The following KCNQ5 variants were observed in gnomAD, a reference collection of about 807,000 sequenced individuals.
KCNQ5 encodes the protein potassium voltage-gated channel subfamily Q member 5, also known as potassium voltage-gated channel subfamily KQT member 5.
Under a neutral mutation model 98.2 loss-of-function variants are expected in KCNQ5, and 30 were observed. That is an observed-to-expected ratio of 0.31 (90% CI 0.23 to 0.41). The LOEUF (loss-of-function observed/expected upper bound fraction) is 0.41, where lower values mean the gene tolerates loss of function less well. Among genes scored for constraint, KCNQ5 ranks in the 10% least tolerant of loss-of-function variants. The pLI is 1.00. For synonymous variants in KCNQ5, 458 were observed against 449.4 expected (o/e 1.02, Z -0.24); for missense variants, 835 against 1,182.5 (o/e 0.71, Z 4.31).
rs183565501 is a variant in KCNQ5, at chr6:72,858,689, A to G, written c.399-145219A>G. On this transcript the variant is annotated intron_variant, in intron 1 of 13. Transcript: ENST00000370398. ...CCGTTTATTTGTCTTTCTAAGAATAACTTTCTTATATATAGCATTCTCTGT... is the reference window on the plus strand; with the variant it reads ...CCGTTTATTTGTCTTTCTAAGAATAGCTTTCTTATATATAGCATTCTCTGT... Among the ~76,000 whole-genome samples, 11 of 152,046 alleles carry G rather than the reference A, an allele frequency of 7.2e-5. No individual in the cohort carries two copies. In the East Asian group the frequency reaches 1.5e-3, roughly 21 times the overall value.
intron 11 of KCNQ5, among the ~76,000 whole-genome samples, chr6:73,179,231 G>A (rs1309311337): frequency 1.3e-5 from 2 of 152,088 alleles, no homozygotes; most frequent in Non-Finnish European, 2.9e-5. Context: ...ATGGAGGCTG[G>A]GAGGTCCAAG....
intron 1 of KCNQ5, among the ~76,000 whole-genome samples, chr6:72,654,054 C>A (rs913024296): frequency 1.3e-5 from 2 of 152,002 alleles, no homozygotes; most frequent in East Asian, 3.8e-4. Context: ...TGAGTACATG[C>A]TATGACTATA....
At chr6:73,165,596 G>T (rs950366442) in intron 10 of KCNQ5, among the ~76,000 whole-genome samples, 1 of 152,124 alleles carries the variant, frequency 6.6e-6, no homozygotes, top group African/African-American at 2.4e-5. Context: ...AAGTGCACCA[G>T]CCCTGTGAAG....
At chr6:72,802,713 C>G (rs141155874) in intron 1 of KCNQ5, among the ~76,000 whole-genome samples, 1 of 152,058 alleles carries the variant, frequency 6.6e-6, no homozygotes, top group Non-Finnish European at 1.5e-5. Context: ...GAGGAATCCT[C>G]TTAAGGTCCA....
At chr6:72,897,161 C>A (rs1039102548) in intron 1 of KCNQ5, among the ~76,000 whole-genome samples, 1 of 151,918 alleles carries the variant, frequency 6.6e-6, no homozygotes, top group Non-Finnish European at 1.5e-5. Flanking sequence ...GCAGATTGGA[C>A]CACTTTGGGG....
At chr6:72,685,992 G>A (rs1767933118) in intron 1 of KCNQ5, among the ~76,000 whole-genome samples, 1 of 152,178 alleles carries the variant, frequency 6.6e-6, no homozygotes, top group South Asian at 2.1e-4. Context: ...GTGATCATGT[G>A]ACCTCTTCTT....
intron 1 of KCNQ5, among the ~76,000 whole-genome samples, chr6:72,988,627 TG>T (rs1768934795): frequency 6.8e-6 from 1 of 146,928 alleles, no homozygotes; most frequent in South Asian, 2.2e-4. Flanking sequence ...AAATAAAACT[TG>T]GGGAAAAAAA....
intron 1 of KCNQ5, among the ~76,000 whole-genome samples, chr6:72,969,037 C>T (rs879668860): frequency 2.0e-5 from 3 of 152,166 alleles, no homozygotes; most frequent in Non-Finnish European, 4.4e-5. Context: ...TACAGTTTGG[C>T]TTCTGTAAGA....
chr6:72,799,991 A>G (rs1434607189), intron 1 of KCNQ5, among the ~76,000 whole-genome samples: 6 of 152,180 alleles, frequency 3.9e-5, no homozygotes, highest in East Asian at 3.8e-4. Flanking sequence ...TTTTAAGGCC[A>G]TTTAGAATAA....
chr6:72,681,144 C>T (rs1767685387), intron 1 of KCNQ5, among the ~76,000 whole-genome samples: 1 of 152,162 alleles, frequency 6.6e-6, no homozygotes, highest in South Asian at 2.1e-4. Flanking sequence ...TCTTATAGAG[C>T]ACGCAGATCC....
chr6:72,936,333 C>T (rs1376034749), intron 1 of KCNQ5, among the ~76,000 whole-genome samples: 1 of 152,192 alleles, frequency 6.6e-6, no homozygotes, highest in South Asian at 2.1e-4. Flanking sequence ...GATCTACTTT[C>T]CCACCAGAAT....
chr6:72,912,555 G>A (rs756032134), intron 1 of KCNQ5, among the ~76,000 whole-genome samples: 1 of 152,112 alleles, frequency 6.6e-6, no homozygotes, highest in Non-Finnish European at 1.5e-5. Flanking sequence ...CAAGTCATGG[G>A]ATATTTTAGC....
chr6:72,794,596 T>G (rs1487746447), intron 1 of KCNQ5, among the ~76,000 whole-genome samples: 1 of 152,218 alleles, frequency 6.6e-6, no homozygotes, highest in East Asian at 1.9e-4. Flanking sequence ...ATATAACATT[T>G]CAGGGGTGCA....
intron 1 of KCNQ5, among the ~76,000 whole-genome samples, chr6:72,661,704 G>A (rs1451555908): frequency 6.6e-6 from 1 of 152,090 alleles, no homozygotes; most frequent in Non-Finnish European, 1.5e-5. Context: ...GGTATTTAAA[G>A]GCTGCCTGTG....
chr6:73,118,100 A>G (rs144601162), intron 7 of KCNQ5, among the ~76,000 whole-genome samples: 2 of 152,342 alleles, frequency 1.3e-5, no homozygotes, highest in Non-Finnish European at 2.9e-5. Context: ...CATGCAGAAA[A>G]GAGCACATAT....
At chr6:72,879,063 C>A (rs932820840) in intron 1 of KCNQ5, among the ~76,000 whole-genome samples, 3 of 152,070 alleles carry the variant, frequency 2.0e-5, no homozygotes, top group African/African-American at 7.2e-5. Flanking sequence ...CTATAAGAGA[C>A]AATGCTGTAA....
At chr6:73,054,958 A>T (rs924718995) in intron 3 of KCNQ5, 5 of 393,000 alleles carry the variant, frequency 1.3e-5, no homozygotes, top group Non-Finnish European at 2.4e-5. Context: ...CTCTGCTCCA[A>T]AGCTCCTTGG....
chr6:72,633,353 A>AG (rs1212695846), intron 1 of KCNQ5, among the ~76,000 whole-genome samples: 1 of 152,116 alleles, frequency 6.6e-6, no homozygotes, highest in Non-Finnish European at 1.5e-5. Context: ...GATTGTGAAT[A>AG]TTTTCTCCCA....
rs1765785972 is a variant in KCNQ5, at chr6:73,196,155, T to A, written c.*741T>A. 3 of 152,464 alleles carry A rather than the reference T, an allele frequency of 2.0e-5. No individual in the cohort carries two copies. Among genetic ancestry groups the A allele is most frequent in the Admixed American group, 6.5e-5 (1 of 15,310 alleles). The allele number at this position is 152,464 out of a possible 1,614,324, so 9.4% of individuals were successfully genotyped here. On this transcript the variant is annotated 3_prime_UTR_variant, in exon 14 of 14. Transcript: ENST00000370398. The stretch of plus-strand genomic sequence containing the variant: ...GAAAACATATTGCCTGATGGCAGAA[T>A]CAACTTTATAAGTGGTCAACTTCTA...
Sources: allele counts gnomAD v4.1 joint callset (sites outside exome capture counted in the v4.1 genomes callset), GRCh38; gene constraint gnomAD v4.1.1; transcripts MANE v1.5; gene names NCBI Gene and HGNC (gene_info 2026-07-23, HGNC 2026-07-21).